Variants in KCNIP4 observed in about 807,000 individuals in gnomAD.
KCNIP4 encodes Kv channel-interacting protein 4.
In KCNIP4, 12 loss-of-function variants were observed where a neutral mutation model predicts 34.0. The ratio of observed to expected loss-of-function variants is 0.35; its 90% confidence interval spans 0.23 to 0.57. KCNIP4 has a LOEUF of 0.57. Ranked by LOEUF, KCNIP4 falls within the 20% of genes least tolerant of loss-of-function variation. The pLI is 0.83. For synonymous variants in KCNIP4, 124 were observed against 102.2 expected, an observed-to-expected ratio of 1.21 and a Z score of -1.29; for missense variants, 238 against 311.7, an observed-to-expected ratio of 0.76 and a Z score of 1.78.
chr4:20,908,083 G>C (rs1313531332), intron 1 of KCNIP4, among the ~76,000 whole-genome samples: 3 of 145,280 alleles, frequency 2.1e-5, no homozygotes, highest in Non-Finnish European at 4.5e-5. Flanking sequence ...CTCTATTGCA[G>C]AGCCTGTCAT....
intron 1 of KCNIP4, among the ~76,000 whole-genome samples, chr4:21,853,603 G>A (rs1260519627): frequency 1.3e-5 from 2 of 152,044 alleles, no homozygotes; most frequent in Non-Finnish European, 2.9e-5. Flanking sequence ...TTACTTATTA[G>A]GGTTCAACAC....
intron 1 of KCNIP4, among the ~76,000 whole-genome samples, chr4:21,222,300 A>T (rs1205151316): frequency 2.0e-5 from 3 of 152,168 alleles, no homozygotes; most frequent in Admixed American, 2.0e-4. Context: ...TAGCAATCAA[A>T]GGAAGCACTG....
intron 1 of KCNIP4, among the ~76,000 whole-genome samples, chr4:21,597,584 T>G (rs925069811): frequency 6.6e-5 from 10 of 152,152 alleles, no homozygotes; most frequent in Non-Finnish European, 1.3e-4. Context: ...CCACTTTCCT[T>G]CAGTTCATTG....
chr4:20,785,554 C>T (rs761746108), intron 3 of KCNIP4, among the ~76,000 whole-genome samples: 8 of 152,046 alleles, frequency 5.3e-5, no homozygotes, highest in African/African-American at 1.4e-4. Flanking sequence ...GTTTATAACA[C>T]GTACATTGCT....
chr4:21,898,265 T>C, intron 1 of KCNIP4, among the ~76,000 whole-genome samples: 1 of 152,116 alleles, frequency 6.6e-6, no homozygotes, highest in East Asian at 1.9e-4. Flanking sequence ...TTGGAGTCAG[T>C]GGTCTTGGGA....
intron 3 of KCNIP4, among the ~76,000 whole-genome samples, chr4:20,817,704 G>T: frequency 6.8e-6 from 1 of 147,900 alleles, no homozygotes; most frequent in South Asian, 2.1e-4. Flanking sequence ...TGCCTGGTCA[G>T]TGTTCAATAC....
In KCNIP4 at chr4:21,665,625, A is replaced by T. The variant is rs148176437; in HGVS notation, c.61+282946T>A. On this transcript the variant is annotated intron_variant, in intron 1 of 8. Coordinates refer to ENST00000382152, the MANE Select transcript of KCNIP4 (RefSeq NM_025221.6). ...GCACAGATAGGAACATTTCAAACAA[A>T]GTGTACCTGACTAGTAGGCACCCAG... Among the ~76,000 whole-genome samples the T allele has an allele frequency of 2.7e-3, 404 of 152,218 alleles. 1 individual carries two copies. The highest frequency in any genetic ancestry group is 7.8e-3 in the African/African-American group (323 of 41,534).
intron 1 of KCNIP4, among the ~76,000 whole-genome samples, chr4:21,120,111 G>T (rs1037748585): frequency 6.6e-6 from 1 of 152,120 alleles, no homozygotes; most frequent in Admixed American, 6.5e-5. Flanking sequence ...AGGGTACTTG[G>T]CCCATGTTTC....
intron 5 of KCNIP4, among the ~76,000 whole-genome samples, chr4:20,745,434 A>C (rs1188661848): frequency 6.6e-6 from 1 of 152,182 alleles, no homozygotes; most frequent in Non-Finnish European, 1.5e-5. Context: ...TTTCGTGCAA[A>C]AGAAAAATGA....
At chr4:21,751,594 T>C (rs763513362) in intron 1 of KCNIP4, among the ~76,000 whole-genome samples, 8 of 152,194 alleles carry the variant, frequency 5.3e-5, no homozygotes, top group African/African-American at 9.6e-5. Flanking sequence ...TCAGTTTCTT[T>C]TGTTTGCGTT....
chr4:21,825,541 T>A (rs1422511899), intron 1 of KCNIP4, among the ~76,000 whole-genome samples: 1 of 152,152 alleles, frequency 6.6e-6, no homozygotes, highest in East Asian at 1.9e-4. Context: ...ACTCAAAGGA[T>A]AATTAGAATG....
intron 1 of KCNIP4, among the ~76,000 whole-genome samples, chr4:21,928,123 T>TACAC (rs201691328): frequency 4.7e-4 from 58 of 123,150 alleles, no homozygotes; most frequent in African/African-American, 1.3e-3. Context: ...TATATATATA[T>TACAC]ATATACACAC....
chr4:20,861,248 A>C (rs925792108), intron 2 of KCNIP4, among the ~76,000 whole-genome samples: 9 of 152,132 alleles, frequency 5.9e-5, no homozygotes, highest in Non-Finnish European at 1.3e-4. Context: ...AAACTTTGAC[A>C]ATTTTAAATG....
At chr4:21,541,039 C>T (rs923083158) in intron 1 of KCNIP4, among the ~76,000 whole-genome samples, 9 of 151,836 alleles carry the variant, frequency 5.9e-5, no homozygotes, top group African/African-American at 1.2e-4. Flanking sequence ...GGCATGGTGG[C>T]GCATGCCTGT....
intron 1 of KCNIP4, among the ~76,000 whole-genome samples, chr4:20,959,049 G>A (rs1284351101): frequency 6.6e-6 from 1 of 152,170 alleles, no homozygotes; most frequent in Admixed American, 6.5e-5. Context: ...TTGGCCAGAT[G>A]GAAAAGGTTC....
chr4:21,094,081 C>CA (rs57083761), intron 1 of KCNIP4, among the ~76,000 whole-genome samples: 24,081 of 145,390 alleles, frequency 0.17, 2,031 homozygotes, highest in East Asian at 0.24. Flanking sequence ...GACTCCGTCT[C>CA]AAAAAAAAAA....
At chr4:21,253,589 G>C (rs915180400) in intron 1 of KCNIP4, among the ~76,000 whole-genome samples, 8 of 152,184 alleles carry the variant, frequency 5.3e-5, no homozygotes, top group Non-Finnish European at 8.8e-5. Context: ...TTGTCTGCTA[G>C]ATAGTGTTAA....
chr4:21,505,893 A>T (rs1733807726), intron 1 of KCNIP4, among the ~76,000 whole-genome samples: 1 of 152,186 alleles, frequency 6.6e-6, no homozygotes, highest in African/African-American at 2.4e-5. Flanking sequence ...ATCTGAGCTC[A>T]GGAGTTCAAG....
intron 1 of KCNIP4, among the ~76,000 whole-genome samples, chr4:21,119,280 T>G (rs1749942302): frequency 6.6e-6 from 1 of 151,968 alleles, no homozygotes; most frequent in Non-Finnish European, 1.5e-5. Flanking sequence ...GAGACATTGG[T>G]GCAAATGTCT....
Sources: gnomAD v4.1 joint callset for allele counts (sites outside exome capture counted in the v4.1 genomes callset) on GRCh38, gnomAD v4.1.1 for gene constraint, MANE v1.5 for transcripts, NCBI Gene and HGNC (gene_info 2026-07-23, HGNC 2026-07-21) for gene names.